GPR158: variants seen among roughly 807,000 people sequenced by gnomAD.
The protein encoded by GPR158 is metabotropic glycine receptor.
GPR158 carries 30 observed loss-of-function variants against 78.2 expected under a neutral mutation model. The ratio of observed to expected loss-of-function variants is 0.38; its 90% CI spans 0.29 to 0.52. The LOEUF is 0.52. Among genes scored for constraint, GPR158 ranks in the 20% least tolerant of loss-of-function variants. The pLI is 0.83. For synonymous variants in GPR158, 581 were observed against 591.1 expected (o/e 0.98, Z 0.25); for missense variants, 1,463 against 1,523.5 (o/e 0.96, Z 0.66).
intron 1 of GPR158, among the ~76,000 whole-genome samples, chr10:25,212,620 T>A (rs1240238286): frequency 1.4e-5 from 2 of 146,372 alleles, no homozygotes. Flanking sequence ...TACTAGAGAA[T>A]TTATAGCTTT....
At chr10:25,444,409 G>A (rs1835109929) in intron 4 of GPR158, among the ~76,000 whole-genome samples, 1 of 151,568 alleles carries the variant, frequency 6.6e-6, no homozygotes, top group African/African-American at 2.4e-5. Flanking sequence ...GTGTATGTGG[G>A]TGAGTGTGAG....
intron 2 of GPR158, among the ~76,000 whole-genome samples, chr10:25,363,150 T>G (rs998118778): frequency 4.6e-5 from 7 of 151,942 alleles, no homozygotes; most frequent in African/African-American, 1.7e-4. Flanking sequence ...AACCAAAGGT[T>G]GTTTTAGCAT....
intron 4 of GPR158, among the ~76,000 whole-genome samples, chr10:25,415,660 A>G (rs1426239465): frequency 2.0e-5 from 3 of 152,142 alleles, no homozygotes; most frequent in Non-Finnish European, 4.4e-5. Context: ...TATCCAGAAG[A>G]ACTGAAAACA....
At chr10:25,188,065 C>A (rs1852713504) in intron 1 of GPR158, among the ~76,000 whole-genome samples, 1 of 151,770 alleles carries the variant, frequency 6.6e-6, no homozygotes, top group Non-Finnish European at 1.5e-5. Context: ...ACCTAGGAAT[C>A]CAACTTACAA....
At chr10:25,332,498 G>A (rs890835137) in intron 2 of GPR158, among the ~76,000 whole-genome samples, 1 of 152,206 alleles carries the variant, frequency 6.6e-6, no homozygotes. Flanking sequence ...AAGAAATTGA[G>A]ACATAGAACA....
chr10:25,308,664 T>C (rs1854719260), intron 2 of GPR158, among the ~76,000 whole-genome samples: 1 of 152,200 alleles, frequency 6.6e-6, no homozygotes, highest in Non-Finnish European at 1.5e-5. Context: ...CCAGAACTCT[T>C]TTCATCTTGC....
chr10:25,338,862 T>C (rs1027852575), intron 2 of GPR158, among the ~76,000 whole-genome samples: 8 of 151,458 alleles, frequency 5.3e-5, no homozygotes, highest in African/African-American at 1.9e-4. Context: ...TGGAGAGAAT[T>C]TACATCTTTA....
chr10:25,253,276 G>C (rs12762022), intron 2 of GPR158, among the ~76,000 whole-genome samples: 6 of 152,200 alleles, frequency 3.9e-5, no homozygotes, highest in Non-Finnish European at 8.8e-5. Context: ...CCGGTCTTCT[G>C]CGTCGGTCAC....
chr10:25,311,523 T>G (rs1283702476), intron 2 of GPR158, among the ~76,000 whole-genome samples: 1 of 152,012 alleles, frequency 6.6e-6, no homozygotes, highest in African/African-American at 2.4e-5. Flanking sequence ...GTCTGGGTTT[T>G]GATAGTTTAC....
intron 10 of GPR158, 96 bp downstream of exon 10, chr10:25,596,885 C>A: frequency 1.0e-6 from 1 of 984,494 alleles, no homozygotes; most frequent in Non-Finnish European, 1.5e-6. Flanking sequence ...CATGCATGTA[C>A]ACTCATGTTT....
At chr10:25,528,864 TTACTC>T (rs945729498) in intron 5 of GPR158, among the ~76,000 whole-genome samples, 10 of 152,320 alleles carry the variant, frequency 6.6e-5, no homozygotes, top group Admixed American at 5.2e-4. Context: ...ATTTCAAAAA[TTACTC>T]TAAAGTTACA....
intron 4 of GPR158, among the ~76,000 whole-genome samples, chr10:25,430,993 A>G (rs1490133491): frequency 1.7e-4 from 25 of 145,836 alleles, no homozygotes; most frequent in African/African-American, 5.6e-4. Context: ...AATGGCAACA[A>G]AAGCCAAAAT....
intron 2 of GPR158, among the ~76,000 whole-genome samples, chr10:25,371,967 G>T (rs999400685): frequency 6.6e-6 from 1 of 150,670 alleles, no homozygotes; most frequent in African/African-American, 2.5e-5. Flanking sequence ...TCTGACAAAG[G>T]GCTAATATCC....
At chr10:25,306,967 G>T (rs1854685194) in intron 2 of GPR158, among the ~76,000 whole-genome samples, 1 of 151,502 alleles carries the variant, frequency 6.6e-6, no homozygotes, top group Non-Finnish European at 1.5e-5. Context: ...TTTAGGGAAA[G>T]GGTTGGGGGA....
intron 2 of GPR158, among the ~76,000 whole-genome samples, chr10:25,286,442 T>C (rs74126510): frequency 0.01 from 1,589 of 152,270 alleles, 15 homozygotes; most frequent in Non-Finnish European, 0.015. Flanking sequence ...TTTTTTCTTA[T>C]AGTTTTTATC....
intron 6 of GPR158, among the ~76,000 whole-genome samples, chr10:25,565,067 T>C (rs1006790985): frequency 5.9e-5 from 9 of 152,200 alleles, no homozygotes; most frequent in African/African-American, 1.9e-4. Flanking sequence ...CATCCTATAT[T>C]GTTATCAAAA....
chr10:25,512,217 G>GT (rs1836095549), intron 5 of GPR158, among the ~76,000 whole-genome samples: 1 of 151,958 alleles, frequency 6.6e-6, no homozygotes, highest in Admixed American at 6.6e-5. Context: ...TTTCATCAGT[G>GT]TTTTGTGGTT....
At chr10:25,575,274 G>T (rs1429459198) in intron 7 of GPR158, among the ~76,000 whole-genome samples, 2 of 152,154 alleles carry the variant, frequency 1.3e-5, no homozygotes, top group Non-Finnish European at 2.9e-5. Context: ...TAGAGAAGCA[G>T]AAAAGTGATA....
Position 25,412,358 on chromosome 10 carries a change from C to T in GPR158, c.1220C>T (p.Pro407Leu). 6.2e-7 allele frequency: 1 copy of T among 1,613,616 alleles called. No individual in the cohort carries two copies. Among genetic ancestry groups the T allele is most frequent in the Admixed American group, 1.7e-5 (1 of 60,024 alleles). Residue 407 changes from proline (P) to leucine (L), a missense_variant, in exon 4 of 11, where the codon CCA becomes CTA. Physicochemically the swap from Pro to Leu is moderately conservative, Grantham distance 98 (BLOSUM62 -3). Transcript: ENST00000376351. ...TGCCCCTTCTGTGCTGATGACAGCC[C>T]ATGCTTCGTCCAGGAAGATAAGTAT... ...EGCPFCADDS[P>L]CFVQEDKYLR...
Sources: allele counts gnomAD v4.1 joint callset (sites outside exome capture counted in the v4.1 genomes callset), GRCh38; gene constraint gnomAD v4.1.1; transcripts MANE v1.5; gene names NCBI Gene and HGNC (gene_info 2026-07-23, HGNC 2026-07-21).